Variants in PIBF1 observed in about 807,000 individuals in gnomAD.
PIBF1 encodes the protein progesterone-induced-blocking factor 1.
PIBF1 carries 90 observed loss-of-function variants against 112.5 expected under a neutral mutation model. The ratio of observed to expected loss-of-function variants is 0.80; its 90% CI spans 0.67 to 0.95. The LOEUF (loss-of-function observed/expected upper bound fraction) is 0.95. Among genes scored for constraint, PIBF1 ranks in the 40% least tolerant of loss-of-function variants. The probability of loss-of-function intolerance (pLI) is 0.00; values close to 1 mark genes in which losing one functional copy is unlikely to be tolerated. For synonymous variants in PIBF1, 301 were observed against 288.6 expected, an observed-to-expected ratio of 1.04 and a Z score of -0.44; for missense variants, 915 against 852.3, an observed-to-expected ratio of 1.07 and a Z score of -0.92.
intron 14 of PIBF1, among the ~76,000 whole-genome samples, chr13:72,956,220 C>T (rs1355809424): frequency 6.6e-6 from 1 of 152,080 alleles, no homozygotes; most frequent in Non-Finnish European, 1.5e-5. Flanking sequence ...CATCCTATTT[C>T]CCATTATCTC....
At chr13:72,793,625 A>G (rs1432476617) in intron 3 of PIBF1, among the ~76,000 whole-genome samples, 1 of 152,220 alleles carries the variant, frequency 6.6e-6, no homozygotes, top group Non-Finnish European at 1.5e-5. Flanking sequence ...GATGCTGCTG[A>G]GAGGGCAGTC....
intron 9 of PIBF1, among the ~76,000 whole-genome samples, chr13:72,848,146 T>A (rs2037955661): frequency 6.6e-6 from 1 of 152,218 alleles, no homozygotes; most frequent in Admixed American, 6.5e-5. Context: ...TCACTATTTA[T>A]GCTTGGTAAA....
At chr13:72,935,951 A>G (rs1159691561) in intron 14 of PIBF1, among the ~76,000 whole-genome samples, 1 of 151,906 alleles carries the variant, frequency 6.6e-6, no homozygotes, top group South Asian at 2.1e-4. Flanking sequence ...CAGATATATG[A>G]TTTACAAATA....
At chr13:72,826,587 C>T (rs943877180) in intron 6 of PIBF1, among the ~76,000 whole-genome samples, 4 of 151,904 alleles carry the variant, frequency 2.6e-5, no homozygotes, top group Non-Finnish European at 4.4e-5. Context: ...CACAAGAATG[C>T]CTGCCTACGT....
chr13:72,828,225 A>G (rs902436415), intron 8 of PIBF1, among the ~76,000 whole-genome samples: 2 of 151,482 alleles, frequency 1.3e-5, no homozygotes, highest in African/African-American at 4.9e-5. Context: ...TTGGGTTGCA[A>G]ATAATGCAGA....
At chr13:72,842,452 C>T (rs1237736156) in intron 9 of PIBF1, among the ~76,000 whole-genome samples, 3 of 151,982 alleles carry the variant, frequency 2.0e-5, no homozygotes, top group African/African-American at 4.8e-5. Context: ...ATTTTCCTGC[C>T]GAATCAATAA....
chr13:72,966,795 G>C (rs2042751548), intron 15 of PIBF1, among the ~76,000 whole-genome samples: 1 of 152,048 alleles, frequency 6.6e-6, no homozygotes, highest in Non-Finnish European at 1.5e-5. Flanking sequence ...TGTAGTCCCA[G>C]CCACTCTGGA....
At chr13:72,782,619 A>G (rs1360989472) in intron 1 of PIBF1, among the ~76,000 whole-genome samples, 1 of 152,174 alleles carries the variant, frequency 6.6e-6, no homozygotes, top group Non-Finnish European at 1.5e-5. Flanking sequence ...GAAATATTTA[A>G]TAGCATAATT....
At chr13:72,804,974 TA>T (rs1052022514) in intron 5 of PIBF1, among the ~76,000 whole-genome samples, 8 of 152,102 alleles carry the variant, frequency 5.3e-5, no homozygotes, top group Admixed American at 4.6e-4. Context: ...ATAAAGTTAC[TA>T]AATTTTTTCT....
At chr13:72,972,232 G>A (rs910639489) in intron 15 of PIBF1, among the ~76,000 whole-genome samples, 26 of 151,566 alleles carry the variant, frequency 1.7e-4, no homozygotes, top group African/African-American at 5.3e-4. Flanking sequence ...GGGTCTCTCT[G>A]TGTTGCCCAG....
At position 72,796,845 on chromosome 13, in the gene PIBF1, A is replaced by G. The variant is rs1178915872; in HGVS notation, c.553-1062A>G. Among the ~76,000 whole-genome samples, 6 of 152,102 alleles carry G rather than the reference A, an allele frequency of 3.9e-5. No homozygotes were observed. In the South Asian group the frequency reaches 8.3e-4, roughly 21 times the overall value. On this transcript the variant is annotated intron_variant, in intron 4 of 17. Coordinates refer to ENST00000326291, the MANE Select transcript of PIBF1 (RefSeq NM_006346.4). ...CTTCTTACATCTTTTGTTTTCACAG[A>G]CAATATTATCCTTAACTAATTAATT...
intron 14 of PIBF1, among the ~76,000 whole-genome samples, chr13:72,950,801 G>C (rs1313447183): frequency 6.6e-6 from 1 of 152,172 alleles, no homozygotes; most frequent in Non-Finnish European, 1.5e-5. Context: ...GAGTTGGGGA[G>C]AAACAGAGAT....
chr13:72,870,899 C>T (rs1467968708), intron 10 of PIBF1, among the ~76,000 whole-genome samples: 2 of 150,594 alleles, frequency 1.3e-5, no homozygotes, highest in Non-Finnish European at 2.9e-5. Context: ...TAAGGATAGA[C>T]AGTTTCATTT....
intron 11 of PIBF1, among the ~76,000 whole-genome samples, chr13:72,894,772 AGTGTGTGTGTGTGTG>A (rs2040206787): frequency 7.3e-6 from 1 of 137,218 alleles, no homozygotes; most frequent in African/African-American, 2.8e-5. Context: ...ATATATATAT[AGTGTGTGTGTGTGTG>A]TGTGTGTGTG....
intron 16 of PIBF1, among the ~76,000 whole-genome samples, chr13:72,987,184 A>G (rs950557735): frequency 2.0e-5 from 3 of 152,228 alleles, no homozygotes; most frequent in Non-Finnish European, 4.4e-5. Context: ...TTAGTGAAAG[A>G]TAAGAAATTC....
At chr13:72,938,564 A>G (rs2055910181) in intron 14 of PIBF1, among the ~76,000 whole-genome samples, 1 of 152,116 alleles carries the variant, frequency 6.6e-6, no homozygotes, top group Admixed American at 6.5e-5. Flanking sequence ...ATAATATTCC[A>G]TTTTGCAGAT....
At chr13:73,013,379 A>G (rs1237690643) in intron 17 of PIBF1, among the ~76,000 whole-genome samples, 3 of 151,552 alleles carry the variant, frequency 2.0e-5, no homozygotes, top group Non-Finnish European at 4.4e-5. Flanking sequence ...AATATTTGAA[A>G]CGGTGACAGA....
chr13:72,910,113 G>T (rs1450430912), intron 12 of PIBF1, among the ~76,000 whole-genome samples: 1 of 152,094 alleles, frequency 6.6e-6, no homozygotes, highest in Non-Finnish European at 1.5e-5. Context: ...GTATTTACTT[G>T]TAGGCCAAAT....
chr13:73,002,983 CAAAAAAAA>C lies in PIBF1; in HGVS notation c.2223+4005_2223+4012del, dbSNP rs1161228077. ...GGACGACACAGCAAGACTCTGGTCT[CAAAAAAAA>C]AAAAAAAAAAAAAAAAGCCTTAGGC... On this transcript the variant is annotated intron_variant, in intron 17 of 17. Coordinates refer to ENST00000326291, the MANE Select transcript of PIBF1 (RefSeq NM_006346.4). Among the ~76,000 whole-genome samples, 14 of 57,520 alleles carry C rather than the reference CAAAAAAAA, an allele frequency of 2.4e-4. 1 individual carries two copies. The highest frequency in any genetic ancestry group is 0.029 in the Middle Eastern group (1 of 34). The allele number at this position is 57,520 out of a possible 152,430, so 37.7% of individuals were successfully genotyped here.
Sources: gnomAD v4.1 joint callset for allele counts (sites outside exome capture counted in the v4.1 genomes callset) on GRCh38, gnomAD v4.1.1 for gene constraint, MANE v1.5 for transcripts, NCBI Gene and HGNC (gene_info 2026-07-23, HGNC 2026-07-21) for gene names.